The following PRDM2 variants were observed in gnomAD, a reference collection of about 807,000 sequenced individuals.
The protein encoded by PRDM2 is PR domain zinc finger protein 2.
Under a neutral mutation model 130.0 loss-of-function variants are expected in PRDM2, and 30 were observed. That is an observed-to-expected ratio of 0.23 (90% confidence interval 0.17 to 0.31). The LOEUF (loss-of-function observed/expected upper bound fraction) is 0.31. PRDM2 is among the 10% of genes least tolerant of loss of function. The pLI is 1.00. For missense variants in PRDM2, 2,011 were observed against 2,108.4 expected (o/e 0.95, Z 0.90); for synonymous variants, 871 against 782.4 (o/e 1.11, Z -1.89).
At chr1:13,720,775 G>A (rs926945682) in intron 2 of PRDM2, among the ~76,000 whole-genome samples, 1 of 152,004 alleles carries the variant, frequency 6.6e-6, no homozygotes, top group South Asian at 2.1e-4. Context: ...GAATACAATC[G>A]GAAATATTTT....
chr1:13,813,712 A>AG (rs1190016714), intron 8 of PRDM2, among the ~76,000 whole-genome samples: 1 of 152,260 alleles, frequency 6.6e-6, no homozygotes, highest in East Asian at 1.9e-4. Context: ...GCAGTGGATG[A>AG]GGGGTAGCAG....
chr1:13,822,744 T>C (rs1240087370), intron 9 of PRDM2, among the ~76,000 whole-genome samples: 1 of 152,056 alleles, frequency 6.6e-6, no homozygotes, highest in African/African-American at 2.4e-5. Context: ...GTTGAAAACA[T>C]CAACCACACA....
At chr1:13,721,663 C>A (rs1423568134) in intron 2 of PRDM2, among the ~76,000 whole-genome samples, 1 of 150,806 alleles carries the variant, frequency 6.6e-6, no homozygotes, top group Non-Finnish European at 1.5e-5. Flanking sequence ...TTGTGAAATT[C>A]AAAAAAAAAT....
rs1645087313 is a variant in PRDM2 at position 13,806,382 on chromosome 1, C to T, written c.5037-10045C>T. ...GATGCTGACCAATCCCGGGTTTCCACCCTCATCAGAATCTCCATTCAGCCG... is the reference window on the plus strand; with the variant it reads ...GATGCTGACCAATCCCGGGTTTCCATCCTCATCAGAATCTCCATTCAGCCG... On this transcript the variant is annotated intron_variant, in intron 8 of 9. Transcript: ENST00000311066. This position sits in a 1 kb window ranked among gnomAD's most constrained non-coding sequence, Gnocchi z 4.1. Among the ~76,000 whole-genome samples, 1 of 152,140 alleles carries T rather than the reference C, an allele frequency of 6.6e-6. No homozygotes were observed. The highest frequency in any genetic ancestry group is 1.5e-5 in the Non-Finnish European group (1 of 68,014).
At chr1:13,740,775 G>A (rs1643413664) in intron 4 of PRDM2, among the ~76,000 whole-genome samples, 1 of 152,172 alleles carries the variant, frequency 6.6e-6, no homozygotes, top group Non-Finnish European at 1.5e-5. Context: ...CTTTCAAGAG[G>A]AAGAAGGCAG....
intron 4 of PRDM2, among the ~76,000 whole-genome samples, chr1:13,733,389 C>G (rs1643169054): frequency 6.6e-6 from 1 of 152,228 alleles, no homozygotes. Context: ...CCCAGCAATT[C>G]TGGAAGACAG....
At chr1:13,703,080 A>G (rs1452876164) in intron 1 of PRDM2, among the ~76,000 whole-genome samples, 1 of 152,218 alleles carries the variant, frequency 6.6e-6, no homozygotes, top group East Asian at 1.9e-4. Flanking sequence ...GTGGTGGTCC[A>G]TCTCTCTCTT....
Position 13,780,578 on chromosome 1 carries a change from G to A in PRDM2, c.2783G>A (p.Gly928Asp). 3 of 1,614,078 alleles carry A rather than the reference G, an allele frequency of 1.9e-6. No homozygotes were observed. The highest frequency in any genetic ancestry group is 2.5e-6 in the Non-Finnish European group (3 of 1,180,006). The change falls in exon 8 of 10, where the codon GGT becomes GAT. Residue 928 changes from glycine to aspartate, a missense_variant. Gly to Asp is a moderately conservative substitution (Grantham distance 94, BLOSUM62 -1). Transcript: ENST00000311066. ...SLEAQPDPDL[G>D]PGSGFPAPTV... ...GAAGCTCAGCCAGATCCTGACCTCG[G>A]TCCGGGCTCTGGTTTCCCTGCCCCT...
chr1:13,783,280 G>C (rs1259361768), intron 8 of PRDM2: 1 of 401,766 alleles, frequency 2.5e-6, no homozygotes, highest in African/African-American at 2.1e-5. Flanking sequence ...CTTCAGCATA[G>C]ATCTAGTACC....
intron 8 of PRDM2, among the ~76,000 whole-genome samples, chr1:13,797,901 A>T (rs1402698543): frequency 6.6e-6 from 1 of 151,964 alleles, no homozygotes; most frequent in East Asian, 1.9e-4. Flanking sequence ...TCATCACTTA[A>T]TTTCTTCTGA....
chr1:13,731,111 C>T lies in PRDM2; in HGVS notation c.121C>T (p.Arg41Trp), dbSNP rs1169511958. The T allele has an allele frequency of 1.9e-6, 3 of 1,612,422 alleles. No individual in the cohort carries two copies. Among genetic ancestry groups the T allele is most frequent in the Non-Finnish European group, 1.7e-6 (2 of 1,179,270 alleles). The change falls in exon 3 of 10, where the codon CGG (arginine) becomes TGG (tryptophan). Residue 41 changes from arginine (R) to tryptophan (W), a missense_variant. Physicochemically the swap from Arg to Trp is moderately radical, Grantham distance 101 (BLOSUM62 -3). Around this residue, in one of 5 missense-constraint regions of PRDM2, gnomAD observed 79 missense variants for 93.6 expected, o/e 0.84. Transcript: ENST00000311066. ...TTTCCCTTCTGCTGTTGACAAGACC[C>T]GGATTGGTGAGTGCTCCTCCTGTCA... is the stretch of plus-strand genomic sequence containing the variant. ...RLFPSAVDKT[R>W]IGVWATKPIL... is the part of the protein sequence containing the mutation.
intron 8 of PRDM2, among the ~76,000 whole-genome samples, chr1:13,789,918 C>T (rs1644811302): frequency 6.6e-6 from 1 of 152,262 alleles, no homozygotes; most frequent in Non-Finnish European, 1.5e-5. Flanking sequence ...TGGCACCACT[C>T]CTGCAGCTGC....
At chr1:13,700,873 T>C (rs866160348) in intron 1 of PRDM2, among the ~76,000 whole-genome samples, 5 of 152,172 alleles carry the variant, frequency 3.3e-5, no homozygotes, top group Admixed American at 6.5e-5. Flanking sequence ...TGTGTGTGTG[T>C]GCGCACGCGC....
intron 8 of PRDM2, among the ~76,000 whole-genome samples, chr1:13,808,901 C>T (rs556524028): frequency 2.4e-4 from 36 of 152,260 alleles, no homozygotes; most frequent in East Asian, 1.7e-3. Flanking sequence ...CTCAAGAGGG[C>T]GACCACAGAA....
intron 6 of PRDM2, among the ~76,000 whole-genome samples, 153 bp from the exon 7 acceptor site, chr1:13,772,925 T>C (rs1259965436): frequency 1.3e-5 from 2 of 152,194 alleles, no homozygotes; most frequent in African/African-American, 2.4e-5. Context: ...TTCCTTTCTT[T>C]AGGAATCCAA....
At chr1:13,767,467 AT>A (rs372707092) in intron 6 of PRDM2, among the ~76,000 whole-genome samples, 5,883 of 113,880 alleles carry the variant, frequency 0.052, 117 homozygotes, top group African/African-American at 0.063. Flanking sequence ...AATTTTTTCT[AT>A]TTTTTTTTTT....
At chr1:13,799,706 C>T (rs957041454) in intron 8 of PRDM2, among the ~76,000 whole-genome samples, 1 of 152,184 alleles carries the variant, frequency 6.6e-6, no homozygotes, top group African/African-American at 2.4e-5. Context: ...TGCCAAAGGT[C>T]AGTTGCATTT....
In PRDM2 at chr1:13,779,471, C is replaced by T; in HGVS notation, c.1676C>T (p.Ser559Phe). Residue 559 changes from serine (S) to phenylalanine (F), a missense_variant, in exon 8 of 10, where the codon TCT becomes TTT. By Grantham distance (155) the Ser-to-Phe change is radical. This residue lies in a region of PRDM2 where 1,288 missense variants were observed against 1,237.7 expected (regional missense o/e 1.04). Coordinates refer to ENST00000311066, the MANE Select transcript of PRDM2 (RefSeq NM_001393986.1). This position sits in a 1 kb window ranked among gnomAD's most constrained non-coding sequence, Gnocchi z 4.9. ...EADDVYIMDI[S>F]SNISENLNYY... ...GATGATGTGTACATCATGGACATTTCTAGCAATATCTCTGAAAACTTAAAT... is the reference window on the plus strand; with the variant it reads ...GATGATGTGTACATCATGGACATTTTTAGCAATATCTCTGAAAACTTAAAT... 6.2e-7 allele frequency: 1 copy of T among 1,614,112 alleles called. No individual in the cohort carries two copies. The highest frequency in any genetic ancestry group is 8.5e-7 in the Non-Finnish European group (1 of 1,179,970).
At chr1:13,730,437 G>A (rs1244147516) in intron 2 of PRDM2, among the ~76,000 whole-genome samples, 4 of 152,160 alleles carry the variant, frequency 2.6e-5, no homozygotes, top group Non-Finnish European at 5.9e-5. Context: ...ACTGTTTCCT[G>A]GAAAGGTGGC....
Sources: allele counts gnomAD v4.1 joint callset (sites outside exome capture counted in the v4.1 genomes callset), GRCh38; gene constraint gnomAD v4.1.1; regional missense constraint gnomAD v4.1.1; non-coding constraint Gnocchi (gnomAD v3.1); transcripts MANE v1.5; gene names NCBI Gene and HGNC (gene_info 2026-07-23, HGNC 2026-07-21).